ZNF558: variants seen among roughly 807,000 people sequenced by gnomAD.
The protein encoded by ZNF558 is zinc finger protein 558.
Under a neutral mutation model 37.6 loss-of-function variants are expected in ZNF558, and 23 were observed. The ratio of observed to expected loss-of-function variants is 0.61; its 90% CI spans 0.44 to 0.87. The LOEUF (loss-of-function observed/expected upper bound fraction) is 0.87. Among genes scored for constraint, ZNF558 ranks in the 40% least tolerant of loss-of-function variants. ZNF558 has a pLI of 0.00. For missense variants in ZNF558, 429 were observed against 483.7 expected, an observed-to-expected ratio of 0.89 and a Z score of 1.06; for synonymous variants, 189 against 174.4, an observed-to-expected ratio of 1.08 and a Z score of -0.66.
Position 8,822,077 on chromosome 19 carries a change from A to G in ZNF558, c.46T>C (p.Phe16Leu), listed in dbSNP as rs779008708. The G allele has an allele frequency of 9.9e-6, 16 of 1,613,956 alleles. No homozygotes were observed. The South Asian group carries it at 1.4e-4, about 14-fold the overall frequency. Reference protein sequence around the residue: ...LPSTAAPSSLFPASQQKGHTQ... With the variant: ...LPSTAAPSSLLPASQQKGHTQ... ...TGTCCTTTTTGCTGAGAGGCTGGGA[A>G]CAGGGAAGACGGAGCTGGAGGAGGA... The change falls in exon 6 of 10, where the codon TTC (phenylalanine) becomes CTC (leucine). Residue 16 changes from phenylalanine to leucine, a missense_variant. Transcript: ENST00000601372. The surrounding 1 kb of genome is among the most constrained non-coding windows in gnomAD (Gnocchi z 4.4).
Position 8,812,589 on chromosome 19 carries a change from C to T in ZNF558, c.398G>A (p.Arg133Lys), listed in dbSNP as rs1744801660. 1.2e-6 allele frequency: 2 copies of T among 1,603,806 alleles called. No homozygotes were observed. Among genetic ancestry groups the T allele is most frequent in the Non-Finnish European group, 8.5e-7 (1 of 1,177,516 alleles). Reference sequence around the variant, plus strand: ...TTTTACACCTTTAGACTGTTCTTTTCTGAAAACATTCTTCTTAGGAGTTAA... The same window carrying T: ...TTTTACACCTTTAGACTGTTCTTTTTTGAAAACATTCTTCTTAGGAGTTAA... Reference protein sequence around the residue: ...KWLTPKKNVFRKEQSKGVKTE... With the variant: ...KWLTPKKNVFKKEQSKGVKTE... Residue 133 changes from arginine (R) to lysine (K), a missense_variant, in exon 9 of 10, where the codon AGA becomes AAA. Transcript: ENST00000601372.
rs183660540 is a variant in ZNF558 at position 8,822,701 on chromosome 19, G to A, written c.-42C>T. 5.0e-5 allele frequency: 81 copies of A among 1,613,914 alleles called. No homozygotes were observed. In the South Asian group the frequency reaches 7.4e-4, roughly 15 times the overall value. ...CAACAGGGCAGCCGGGAAGCAGGAC[G>A]CTCCTCCTTTATCCCGCAGCGCTCT... On this transcript the variant is annotated 5_prime_UTR_variant, in exon 5 of 10. Transcript: ENST00000601372. This position sits in a 1 kb window ranked among gnomAD's most constrained non-coding sequence, Gnocchi z 4.4.
At chr19:8,829,032 G>C (rs556219666) in intron 2 of ZNF558, among the ~76,000 whole-genome samples, 345 of 151,674 alleles carry the variant, frequency 2.3e-3, no homozygotes, top group African/African-American at 7.9e-3. Context: ...GGGAGGCTGA[G>C]GCGGGTGGAT....
intron 8 of ZNF558, 48 bp downstream of exon 8, chr19:8,813,079 C>G: frequency 2.1e-6 from 3 of 1,463,132 alleles, no homozygotes; most frequent in Non-Finnish European, 2.8e-6. Context: ...CCCCAAGTCA[C>G]TGGCCAGAGC....
intron 7 of ZNF558, 73 bp from the exon 8 acceptor site, chr19:8,813,295 C>T (rs2043844072): frequency 2.5e-6 from 3 of 1,185,856 alleles, no homozygotes; most frequent in Non-Finnish European, 3.7e-6. Context: ...AGAAAGCCAA[C>T]ATTTATGAAG....
At position 8,808,693 on chromosome 19, in the gene ZNF558, T is replaced by A. The variant is rs1172959172; in HGVS notation, c.*2588A>T. 2.0e-5 allele frequency: 3 copies of A among 152,254 alleles called. No homozygotes were observed. Among genetic ancestry groups the A allele is most frequent in the Admixed American group, 2.0e-4 (3 of 15,286 alleles). The allele number at this position is 152,254 out of a possible 1,614,324, so 9.4% of individuals were successfully genotyped here. A position where few individuals can be genotyped will look rare whatever the true frequency, so the allele number is the denominator to read the frequency against. The stretch of plus-strand genomic sequence containing the variant: ...ATAGGTTTACCAGTTAGATTCTGCA[T>A]CCTGCTGGAAGTTAACAGAACACCA... On this transcript the variant is annotated 3_prime_UTR_variant, in exon 10 of 10. Coordinates refer to ENST00000601372, the MANE Select transcript of ZNF558 (RefSeq NM_144693.3).
At chr19:8,825,905 T>C (rs1433506440) in intron 2 of ZNF558, among the ~76,000 whole-genome samples, 1 of 152,166 alleles carries the variant, frequency 6.6e-6, no homozygotes, top group Non-Finnish European at 1.5e-5. Flanking sequence ...AAGGCAAGGA[T>C]CCTGACATGG....
Position 8,810,941 on chromosome 19 carries a change from AC to A in ZNF558, c.*339del. On this transcript the variant is annotated 3_prime_UTR_variant, in exon 10 of 10. Coordinates refer to ENST00000601372, the MANE Select transcript of ZNF558 (RefSeq NM_144693.3). ...CATGGTAATGACTGAAGGTCCCCTG[AC>A]AACAACCAACATCAACTTTCCAGGC... The A allele has an allele frequency of 5.0e-6, 1 of 201,790 alleles. No individual in the cohort carries two copies. The highest frequency in any genetic ancestry group is 1.0e-5 in the Non-Finnish European group (1 of 99,368). 12.5% of individuals were successfully genotyped at this position (201,790 alleles called of 1,614,324 possible).
At chr19:8,832,508 G>A (rs1431277071), upstream of ZNF558, 1 of 152,792 alleles carries the variant, frequency 6.5e-6, no homozygotes, top group East Asian at 1.9e-4. Flanking sequence ...GCCCTGGCCT[G>A]GGGCAGTAGC....
chr19:8,826,609 TA>T (rs1352708415), intron 2 of ZNF558, among the ~76,000 whole-genome samples: 1 of 152,050 alleles, frequency 6.6e-6, no homozygotes, highest in African/African-American at 2.4e-5. Context: ...GGAGTGGCTG[TA>T]AATACAGATG....
At chr19:8,828,037 A>G (rs2044271338) in intron 2 of ZNF558, among the ~76,000 whole-genome samples, 1 of 152,116 alleles carries the variant, frequency 6.6e-6, no homozygotes, top group Admixed American at 6.5e-5. Flanking sequence ...CCCTATGACT[A>G]GCTACATCTG....
At chr19:8,813,319 AC>A in intron 7 of ZNF558, 97 bp from the exon 8 acceptor site, 1 of 907,266 alleles carries the variant, frequency 1.1e-6, no homozygotes, top group Non-Finnish European at 1.7e-6. Flanking sequence ...GAAAAGTGTG[AC>A]TTTAGGAGCA....
rs560065526 is a variant in ZNF558 at position 8,831,654 on chromosome 19, A to T, written c.-592-253T>A. On this transcript the variant is annotated intron_variant, in intron 1 of 9. Coordinates refer to ENST00000601372, the MANE Select transcript of ZNF558 (RefSeq NM_144693.3). ...ACTTGCTCAACTTACTACGCTGGAG[A>T]GAGATTCTATGGTGACTCCACAGGC... is the stretch of plus-strand genomic sequence containing the variant. Among the ~76,000 whole-genome samples the T allele has an allele frequency of 1.2e-4, 19 of 152,338 alleles. No homozygotes were observed. The South Asian group carries it at 3.9e-3, about 32-fold the overall frequency.
At chr19:8,825,295 T>C (rs529073169) in intron 2 of ZNF558, among the ~76,000 whole-genome samples, 187 bp from the exon 3 acceptor site, 5 of 152,168 alleles carry the variant, frequency 3.3e-5, no homozygotes, top group African/African-American at 1.2e-4. Context: ...CAGTAGGGGA[T>C]TGGGTGAATA....
At chr19:8,836,375 C>T (rs1211128536), upstream of ZNF558, among the ~76,000 whole-genome samples, 1 of 151,634 alleles carries the variant, frequency 6.6e-6, no homozygotes, top group Non-Finnish European at 1.5e-5. Flanking sequence ...TTCCTTCTTC[C>T]TTACTCCTCC....
At chr19:8,836,089 T>G (rs2044452042), upstream of ZNF558, among the ~76,000 whole-genome samples, 1 of 152,164 alleles carries the variant, frequency 6.6e-6, no homozygotes, top group Admixed American at 6.5e-5. Flanking sequence ...TGCGCAACTG[T>G]GTGAATGTAC....
At chr19:8,820,826 G>A (rs192418515) in intron 7 of ZNF558, among the ~76,000 whole-genome samples, 1 of 152,244 alleles carries the variant, frequency 6.6e-6, no homozygotes, top group East Asian at 1.9e-4. Context: ...AGACACAAAA[G>A]GTAATGTATT....
At chr19:8,837,887 G>A in the ZNF558 span, among the ~76,000 whole-genome samples, 2 of 152,022 alleles carry the variant, frequency 1.3e-5, no homozygotes, top group Admixed American at 1.3e-4. Context: ...CAACTGGAAG[G>A]GACCAAGATG....
In ZNF558 at chr19:8,809,590, C is replaced by T; in HGVS notation, c.*1691G>A. The T allele has an allele frequency of 1.3e-5, 2 of 152,192 alleles. No individual in the cohort carries two copies. Among genetic ancestry groups the T allele is most frequent in the Middle Eastern group, 3.4e-3 (1 of 294 alleles). 9.4% of individuals were successfully genotyped at this position (152,192 alleles called of 1,614,324 possible). On this transcript the variant is annotated 3_prime_UTR_variant, in exon 10 of 10. Transcript: ENST00000601372. ...CATTAGAAAAATGTGTTTATAAATACTAATTTCCATTATGATAAACTGAAT... is the reference window on the plus strand; with the variant it reads ...CATTAGAAAAATGTGTTTATAAATATTAATTTCCATTATGATAAACTGAAT...
Sources: allele counts gnomAD v4.1 joint callset (sites outside exome capture counted in the v4.1 genomes callset), GRCh38; gene constraint gnomAD v4.1.1; non-coding constraint Gnocchi (gnomAD v3.1); transcripts MANE v1.5; gene names NCBI Gene and HGNC (gene_info 2026-07-23, HGNC 2026-07-21).